Variants in FSIP1 observed in about 807,000 individuals in gnomAD.
FSIP1 encodes the protein fibrous sheath interacting protein 1.
In FSIP1, 65 loss-of-function variants were observed where a neutral mutation model predicts 60.9. That is an observed-to-expected ratio of 1.07 (90% CI 0.87 to 1.31). The LOEUF (loss-of-function observed/expected upper bound fraction) is 1.31, where lower values mean the gene tolerates loss of function less well. FSIP1 is among the 40% of genes most tolerant of loss of function. FSIP1 has a pLI of 0.00. For synonymous variants in FSIP1, 209 were observed against 221.2 expected, an observed-to-expected ratio of 0.94 and a Z score of 0.49; for missense variants, 675 against 665.5, an observed-to-expected ratio of 1.01 and a Z score of -0.16.
intron 1 of FSIP1, among the ~76,000 whole-genome samples, chr15:39,780,305 C>T (rs969913906): frequency 6.6e-6 from 1 of 152,122 alleles, no homozygotes; most frequent in Non-Finnish European, 1.5e-5. Flanking sequence ...GGGCAGATCA[C>T]GAGGTCAGGA....
chr15:39,621,057 A>T (rs1213593259), intron 10 of FSIP1, among the ~76,000 whole-genome samples: 1 of 82,044 alleles, frequency 1.2e-5, no homozygotes, highest in East Asian at 2.1e-4. Context: ...GGCATTTCTT[A>T]AAAAAAAAAA....
Position 39,635,150 on chromosome 15 carries a change from A to G in FSIP1, c.1189-16905T>C, listed in dbSNP as rs758086247. On this transcript the variant is annotated intron_variant, in intron 10 of 11. Transcript: ENST00000350221. ...GAAGATTGAAACCATCCTGGCCAAC[A>G]TGGTGAAACCCCCTCTCTACTAAAA... 4.6e-5 allele frequency among the ~76,000 whole-genome samples: 7 copies of G among 152,156 alleles called. No homozygotes were observed. In the South Asian group the frequency reaches 1.4e-3, roughly 32 times the overall value.
chr15:39,644,316 T>A (rs763613590), intron 10 of FSIP1, among the ~76,000 whole-genome samples: 1 of 152,166 alleles, frequency 6.6e-6, no homozygotes, highest in Non-Finnish European at 1.5e-5. Flanking sequence ...TCAATTAGGC[T>A]TGAGCATTTA....
intron 2 of FSIP1, 67 bp from the exon 3 acceptor site, chr15:39,770,677 A>G: frequency 9.4e-7 from 1 of 1,066,488 alleles, no homozygotes; most frequent in South Asian, 2.1e-5. Flanking sequence ...TTACATTTCT[A>G]GAATATTTTG....
intron 8 of FSIP1, among the ~76,000 whole-genome samples, chr15:39,737,066 C>T (rs1213285710): frequency 6.6e-6 from 1 of 152,138 alleles, no homozygotes; most frequent in East Asian, 1.9e-4. Flanking sequence ...GCATTCACTC[C>T]ATCATGTCCT....
chr15:39,689,987 A>C (rs2631709), intron 10 of FSIP1, among the ~76,000 whole-genome samples: 124,204 of 152,130 alleles, frequency 0.82, 51,445 homozygotes, highest in Non-Finnish European at 0.89. Context: ...GTTGGGATTC[A>C]GATGATATGG....
At chr15:39,636,135 C>T (rs1357906300) in intron 10 of FSIP1, among the ~76,000 whole-genome samples, 2 of 152,170 alleles carry the variant, frequency 1.3e-5, no homozygotes, top group African/African-American at 2.4e-5. Context: ...TCTAGCAGCT[C>T]ATTGGTGCCA....
Position 39,782,834 on chromosome 15 carries a change from T to C in FSIP1, c.-214A>G, listed in dbSNP as rs917196867. ...GACCGCTGTTTCCCTGGCAACCAGA[T>C]GCGCGATGCTTCCGGTCTCGCGATA... On this transcript the variant is annotated 5_prime_UTR_variant, in exon 1 of 12. Coordinates refer to ENST00000350221, the MANE Select transcript of FSIP1 (RefSeq NM_152597.5). 9 of 152,406 alleles carry C rather than the reference T, an allele frequency of 5.9e-5. No individual in the cohort carries two copies. Among genetic ancestry groups the C allele is most frequent in the African/African-American group, 2.2e-4 (9 of 41,454 alleles). 9.4% of individuals were successfully genotyped at this position (152,406 alleles called of 1,614,324 possible). A position where few individuals can be genotyped will look rare whatever the true frequency, so the allele number is the denominator to read the frequency against.
At chr15:39,776,779 A>G (rs767398081) in intron 1 of FSIP1, among the ~76,000 whole-genome samples, 1 of 152,208 alleles carries the variant, frequency 6.6e-6, no homozygotes, top group African/African-American at 2.4e-5. Context: ...AGAAGAGAAC[A>G]CAGAAGTGAA....
At chr15:39,614,644 C>CAAAAAA (rs35512322) in intron 11 of FSIP1, among the ~76,000 whole-genome samples, 9 of 96,334 alleles carry the variant, frequency 9.3e-5, no homozygotes, top group Non-Finnish European at 7.1e-5. Context: ...GACTCCATCT[C>CAAAAAA]AAAAAAAAAA....
intron 10 of FSIP1, among the ~76,000 whole-genome samples, chr15:39,696,252 A>G (rs572465261): frequency 6.6e-6 from 1 of 152,340 alleles, no homozygotes; most frequent in Admixed American, 6.5e-5. Context: ...GACAAAGAGT[A>G]TATGTTTTAA....
intron 10 of FSIP1, among the ~76,000 whole-genome samples, chr15:39,633,242 A>G (rs1378248037): frequency 6.6e-6 from 1 of 151,854 alleles, no homozygotes; most frequent in African/African-American, 2.4e-5. Context: ...GGCACGCACC[A>G]TTGCGTCCAG....
In FSIP1 at chr15:39,617,994, T is replaced by C. The variant is rs1371773258; in HGVS notation, c.1440A>G (p.Lys480=). The C allele has an allele frequency of 2.5e-6, 4 of 1,614,064 alleles. No homozygotes were observed. The highest frequency in any genetic ancestry group is 1.3e-5 in the African/African-American group (1 of 74,934). The part of the protein sequence containing the change: ...MLESEECEAS[K]GYYLTKALTG... ...TCAAGGCTTTAGTGAGATAGTAGCCTTTAGAAGCTTCACATTCTTCACTCT... is the reference window on the plus strand; with the variant it reads ...TCAAGGCTTTAGTGAGATAGTAGCCCTTAGAAGCTTCACATTCTTCACTCT... The change falls in exon 11 of 12, where the codon AAA becomes AAG. Residue 480 remains lysine (K), a synonymous_variant. Transcript: ENST00000350221.
intron 3 of FSIP1, among the ~76,000 whole-genome samples, chr15:39,768,779 CTG>C (rs1326475744): frequency 6.6e-6 from 1 of 152,224 alleles, no homozygotes; most frequent in African/African-American, 2.4e-5. Flanking sequence ...TACAGGTTAA[CTG>C]TTAAGTGAAA....
chr15:39,653,133 G>C (rs1390946094), intron 10 of FSIP1, among the ~76,000 whole-genome samples: 8 of 147,192 alleles, frequency 5.4e-5, no homozygotes, highest in African/African-American at 1.8e-4. Flanking sequence ...TGGAGACCAC[G>C]CCAGTGCACC....
chr15:39,764,375 AG>A (rs908852108), intron 4 of FSIP1, among the ~76,000 whole-genome samples: 1 of 152,210 alleles, frequency 6.6e-6, no homozygotes, highest in Non-Finnish European at 1.5e-5. Flanking sequence ...TCCAGTTTAA[AG>A]CATTGCATTT....
rs143665178 is a variant in FSIP1, at chr15:39,757,575, T to C, written c.559+6246A>G. ...GCAGCCTAAAGTAAATGCTAACTAC[T>C]TTTTTGTTTTTAAGAATTTAAAAAA... On this transcript the variant is annotated intron_variant, in intron 5 of 11. Transcript: ENST00000350221. 7.9e-5 allele frequency among the ~76,000 whole-genome samples: 12 copies of C among 152,258 alleles called. No homozygotes were observed. In the East Asian group the frequency reaches 1.9e-3, roughly 24 times the overall value.
chr15:39,708,201 G>A (rs1191309090), intron 10 of FSIP1, among the ~76,000 whole-genome samples: 2 of 152,126 alleles, frequency 1.3e-5, no homozygotes, highest in Admixed American at 6.5e-5. Context: ...CAAGCTGCAG[G>A]TGGCTCAGCA....
intron 10 of FSIP1, among the ~76,000 whole-genome samples, chr15:39,644,531 G>A (rs1892513118): frequency 6.6e-6 from 1 of 152,162 alleles, no homozygotes; most frequent in South Asian, 2.1e-4. Flanking sequence ...CACGAGGGGA[G>A]AGACCTTTGT....
Sources: gnomAD v4.1 joint callset for allele counts (sites outside exome capture counted in the v4.1 genomes callset) on GRCh38, gnomAD v4.1.1 for gene constraint, MANE v1.5 for transcripts, NCBI Gene and HGNC (gene_info 2026-07-23, HGNC 2026-07-21) for gene names.